PIEZO2: variants seen among roughly 807,000 people sequenced by gnomAD.
PIEZO2 encodes piezo type mechanosensitive ion channel component 2.
In PIEZO2, 172 loss-of-function variants were observed where a neutral mutation model predicts 337.3. The ratio of observed to expected loss-of-function variants is 0.51; its 90% CI spans 0.45 to 0.58. The LOEUF (loss-of-function observed/expected upper bound fraction) is 0.58. PIEZO2 is among the 20% of genes least tolerant of loss of function. The probability of loss-of-function intolerance (pLI) is 0.00; values close to 1 mark genes in which losing one functional copy is unlikely to be tolerated. For missense variants in PIEZO2, 3,028 were observed against 3,391.3 expected (o/e 0.89, Z 2.66); for synonymous variants, 1,251 against 1,228.5 (o/e 1.02, Z -0.38).
At chr18:11,075,580 C>A (rs569249860) in intron 1 of PIEZO2, among the ~76,000 whole-genome samples, 6 of 152,284 alleles carry the variant, frequency 3.9e-5, no homozygotes, top group Non-Finnish European at 8.8e-5. Flanking sequence ...TGCCCACTGG[C>A]GGTCTTGTCC....
intron 4 of PIEZO2, among the ~76,000 whole-genome samples, chr18:10,900,929 T>C (rs151264033): frequency 3.2e-4 from 48 of 152,338 alleles, no homozygotes; most frequent in African/African-American, 1.1e-3. Flanking sequence ...CTAATTATAG[T>C]ATAGAAAACA....
At chr18:10,736,006 A>G (rs150495736) in intron 34 of PIEZO2, among the ~76,000 whole-genome samples, 1 of 152,362 alleles carries the variant, frequency 6.6e-6, no homozygotes, top group Non-Finnish European at 1.5e-5. Context: ...CATTCACTCA[A>G]TATGCTACAT....
intron 2 of PIEZO2, among the ~76,000 whole-genome samples, chr18:10,995,733 C>A (rs931721047): frequency 6.6e-6 from 1 of 152,134 alleles, no homozygotes; most frequent in African/African-American, 2.4e-5. Flanking sequence ...TCACATAGGC[C>A]TCTTTCCAGT....
intron 2 of PIEZO2, among the ~76,000 whole-genome samples, chr18:11,063,172 A>G (rs1362926167): frequency 6.6e-6 from 1 of 151,844 alleles, no homozygotes; most frequent in African/African-American, 2.4e-5. Context: ...TCAGCAAACT[A>G]TCACAAGGAC....
chr18:11,140,988 A>G (rs540929787), intron 1 of PIEZO2, among the ~76,000 whole-genome samples: 1 of 152,162 alleles, frequency 6.6e-6, no homozygotes, highest in Admixed American at 6.5e-5. Context: ...ACCCATGCAG[A>G]TGAGTGCAAC....
At chr18:10,857,769 T>C (rs1481616708) in intron 5 of PIEZO2, among the ~76,000 whole-genome samples, 2 of 152,244 alleles carry the variant, frequency 1.3e-5, no homozygotes, top group Admixed American at 6.5e-5. Context: ...TTTTAGAGAA[T>C]GATACGCTGG....
intron 1 of PIEZO2, among the ~76,000 whole-genome samples, chr18:11,145,098 T>C (rs1211866093): frequency 6.6e-6 from 1 of 152,224 alleles, no homozygotes; most frequent in Non-Finnish European, 1.5e-5. Context: ...ATATGGAAAG[T>C]CTTTACCTTT....
chr18:10,989,677 G>A (rs1326303512), intron 2 of PIEZO2, among the ~76,000 whole-genome samples: 3 of 152,058 alleles, frequency 2.0e-5, no homozygotes, highest in East Asian at 1.9e-4. Context: ...ACAGAAATAC[G>A]TGTAAAACAT....
rs540068292 is a variant in PIEZO2 at position 11,003,817 on chromosome 18, G to T, written c.161-24157C>A. Among the ~76,000 whole-genome samples the T allele has an allele frequency of 1.3e-5, 2 of 152,306 alleles. No individual in the cohort carries two copies. Among genetic ancestry groups the T allele is most frequent in the South Asian group, 4.1e-4 (2 of 4,824 alleles). ...GAGAACAAGCAAACTCCACATGGGG[G>T]TGGACCTGGAAACAAAGTGATTTTT... On this transcript the variant is annotated intron_variant, in intron 2 of 55. Coordinates refer to ENST00000674853, the MANE Select transcript of PIEZO2 (RefSeq NM_001378183.1). This position sits in a 1 kb window ranked among gnomAD's most constrained non-coding sequence, Gnocchi z 4.6.
intron 7 of PIEZO2, 112 bp from the exon 8 acceptor site, chr18:10,807,386 C>G (rs528249574): frequency 1.1e-6 from 1 of 939,018 alleles, no homozygotes; most frequent in Non-Finnish European, 1.6e-6. Context: ...TAGGTTGATC[C>G]GTTCTATTGT....
chr18:10,974,367 G>C (rs2034357901), intron 3 of PIEZO2, among the ~76,000 whole-genome samples: 1 of 152,202 alleles, frequency 6.6e-6, no homozygotes, highest in African/African-American at 2.4e-5. Flanking sequence ...CAGGGGGAAA[G>C]AGCAATGCAT....
Position 11,132,188 on chromosome 18 carries a change from A to G in PIEZO2, c.64+16337T>C, listed in dbSNP as rs1049329636. ...CTGTATATAGGTTTGCCTGTCCTGC[A>G]TGCAATGCTTCTGCCAAGACTACCA... On this transcript the variant is annotated intron_variant, in intron 1 of 55. Coordinates refer to ENST00000674853, the MANE Select transcript of PIEZO2 (RefSeq NM_001378183.1). The surrounding 1 kb of genome is among the most constrained non-coding windows in gnomAD (Gnocchi z 4.7). 1.3e-4 allele frequency among the ~76,000 whole-genome samples: 20 copies of G among 152,208 alleles called. No homozygotes were observed. Among genetic ancestry groups the G allele is most frequent in the African/African-American group, 4.8e-4 (20 of 41,462 alleles).
chr18:10,725,664 C>T (rs569728780), intron 36 of PIEZO2, among the ~76,000 whole-genome samples: 16 of 152,328 alleles, frequency 1.1e-4, no homozygotes, highest in African/African-American at 3.4e-4. Context: ...GCTCTGGGCT[C>T]GCCTTCATCT....
Position 10,870,832 on chromosome 18 carries a change from C to A in PIEZO2, c.492+421G>T, listed in dbSNP as rs1242821886. Among the ~76,000 whole-genome samples the A allele has an allele frequency of 6.6e-6, 1 of 152,190 alleles. No individual in the cohort carries two copies. Among genetic ancestry groups the A allele is most frequent in the East Asian group, 1.9e-4 (1 of 5,198 alleles). On this transcript the variant is annotated intron_variant, in intron 5 of 55. Transcript: ENST00000674853. The surrounding 1 kb of genome is among the most constrained non-coding windows in gnomAD (Gnocchi z 5.3). Reference sequence around the variant, plus strand: ...CACTGAGCAGGACAAGGTGCACAGACTGGAAAGCTGCCCTGCAAGGAGGAA... The same window carrying A: ...CACTGAGCAGGACAAGGTGCACAGAATGGAAAGCTGCCCTGCAAGGAGGAA...
chr18:10,842,524 T>C (rs1404007801), intron 7 of PIEZO2, among the ~76,000 whole-genome samples: 2 of 152,218 alleles, frequency 1.3e-5, no homozygotes, highest in African/African-American at 4.8e-5. Context: ...TCTCTCACCC[T>C]GTGATCTCTA....
chr18:11,042,801 T>C (rs1172547494), intron 2 of PIEZO2, among the ~76,000 whole-genome samples: 2 of 152,176 alleles, frequency 1.3e-5, no homozygotes, highest in East Asian at 1.9e-4. Context: ...GCACATTAAG[T>C]AGATTGTAAA....
In PIEZO2 at chr18:10,857,029, G is replaced by A. The variant is rs1312936749; in HGVS notation, c.675C>T (p.Val225=). The A allele has an allele frequency of 5.9e-6, 9 of 1,537,308 alleles. 1 individual carries two copies. Among genetic ancestry groups the A allele is most frequent in the South Asian group, 4.8e-5 (4 of 84,062 alleles). The change falls in exon 6 of 56, where the codon GTC becomes GTT. Residue 225 remains valine (V), a synonymous_variant. Transcript: ENST00000674853. The part of the protein sequence containing the change: ...IGNMITTAGK[V]VVTILLGSSG... ...AGGAGCCCAGTAAGATGGTAACAAC[G>A]ACTTTCCCAGCAGTGGTGATCATGT...
Position 11,128,948 on chromosome 18 carries a change from G to A in PIEZO2, c.64+19577C>T, listed in dbSNP as rs2040261652. Among the ~76,000 whole-genome samples, 1 of 152,170 alleles carries A rather than the reference G, an allele frequency of 6.6e-6. No homozygotes were observed. The highest frequency in any genetic ancestry group is 6.5e-5 in the Admixed American group (1 of 15,278). The stretch of plus-strand genomic sequence containing the variant: ...TTATTGATTTGGGTCCACTAAGTAA[G>A]GACTCAGTGTTTAATGTTGCAGATC... On this transcript the variant is annotated intron_variant, in intron 1 of 55. Transcript: ENST00000674853. The surrounding 1 kb of genome is among the most constrained non-coding windows in gnomAD (Gnocchi z 4.1).
At position 10,705,420 on chromosome 18, in the gene PIEZO2, T is replaced by C; in HGVS notation, c.5915A>G (p.Asp1972Gly). Reference protein sequence around the residue: ...AGKNRMAVSPDDSRTDKLGSS... With the variant: ...AGKNRMAVSPGDSRTDKLGSS... ...CCCCAGCTTGTCGGTGCGGCTGTCG[T>C]CCGGGCTGACTGCCATACGGTTCTT... Residue 1972 changes from aspartate (D) to glycine (G), a missense_variant, in exon 41 of 56, where the codon GAC becomes GGC. Transcript: ENST00000674853. 6.5e-7 allele frequency: 1 copy of C among 1,537,210 alleles called. No individual in the cohort carries two copies. The highest frequency in any genetic ancestry group is 8.7e-7 in the Non-Finnish European group (1 of 1,146,896).
Sources: allele counts gnomAD v4.1 joint callset (sites outside exome capture counted in the v4.1 genomes callset), GRCh38; gene constraint gnomAD v4.1.1; non-coding constraint Gnocchi (gnomAD v3.1); transcripts MANE v1.5; gene names NCBI Gene and HGNC (gene_info 2026-07-23, HGNC 2026-07-21).